PRLR: variants seen among roughly 807,000 people sequenced by gnomAD.
PRLR encodes the protein hPRL receptor.
Under a neutral mutation model 40.2 loss-of-function variants are expected in PRLR, and 13 were observed. The ratio of observed to expected loss-of-function variants is 0.32; its 90% CI spans 0.21 to 0.51. The LOEUF is 0.51. Among genes scored for constraint, PRLR ranks in the 20% least tolerant of loss-of-function variants. The probability of loss-of-function intolerance (pLI) is 0.97; values close to 1 mark genes in which losing one functional copy is unlikely to be tolerated. For missense variants in PRLR, 656 were observed against 747.3 expected (o/e 0.88, Z 1.42); for synonymous variants, 269 against 278.7 (o/e 0.97, Z 0.35).
At chr5:35,067,264 C>T (rs1769436696) in intron 9 of PRLR, among the ~76,000 whole-genome samples, 1 of 152,162 alleles carries the variant, frequency 6.6e-6, no homozygotes, top group South Asian at 2.1e-4. Context: ...AATACTAACA[C>T]ATATTTTTGA....
chr5:35,154,995 G>C (rs900226043), intron 1 of PRLR, among the ~76,000 whole-genome samples: 3 of 151,488 alleles, frequency 2.0e-5, no homozygotes, highest in Non-Finnish European at 4.4e-5. Context: ...CAGGGGAGGG[G>C]GTTCAGGGGA....
At chr5:35,211,667 A>C (rs1347292695) in intron 1 of PRLR, among the ~76,000 whole-genome samples, 3 of 152,204 alleles carry the variant, frequency 2.0e-5, no homozygotes, top group Non-Finnish European at 4.4e-5. Context: ...TGTTATTCAC[A>C]AGTACGCTAA....
intron 1 of PRLR, among the ~76,000 whole-genome samples, chr5:35,227,087 G>A (rs1776572721): frequency 6.6e-6 from 1 of 152,206 alleles, no homozygotes; most frequent in Non-Finnish European, 1.5e-5. Flanking sequence ...TGCTAATGTT[G>A]GATATTGCCA....
intron 1 of PRLR, among the ~76,000 whole-genome samples, chr5:35,135,101 T>TTTTTTTG (rs71600972): frequency 2.2e-4 from 33 of 149,892 alleles, no homozygotes; most frequent in African/African-American, 7.8e-4. Context: ...TTTTTTTTTT[T>TTTTTTTG]TCTTAGAGAG....
chr5:35,089,258 CTAGAAACTGGCAGGACCTGGAT>C (rs1329248853), intron 3 of PRLR, among the ~76,000 whole-genome samples: 1 of 152,190 alleles, frequency 6.6e-6, no homozygotes, highest in Non-Finnish European at 1.5e-5. Flanking sequence ...GGTCACACAG[CTAGAAACTGGCAGGACCTGGAT>C]TAGAACTCAG....
chr5:35,218,826 G>A (rs931915287), intron 1 of PRLR, among the ~76,000 whole-genome samples: 3 of 151,924 alleles, frequency 2.0e-5, no homozygotes, highest in South Asian at 2.1e-4. Context: ...GCCTCAGATG[G>A]CCGTGGGGAG....
At chr5:35,108,234 A>G (rs1345470836) in intron 2 of PRLR, among the ~76,000 whole-genome samples, 2 of 152,222 alleles carry the variant, frequency 1.3e-5, no homozygotes, top group Non-Finnish European at 2.9e-5. Context: ...CAAAAAAAGA[A>G]GAGCTATTTA....
Position 35,070,401 on chromosome 5 carries a change from T to G in PRLR, c.544-136A>C, listed in dbSNP as rs1416310548. 8.5e-6 allele frequency: 8 copies of G among 945,956 alleles called. No individual in the cohort carries two copies. The East Asian group carries it at 2.2e-4, about 25-fold the overall frequency. 58.6% of individuals were successfully genotyped at this position (945,956 alleles called of 1,614,324 possible). On this transcript the variant is annotated intron_variant, in intron 6 of 9. Transcript: ENST00000618457. ...TCCCTGCTGTCACTACTCCACTGTC[T>G]TAGCCCTATCTTTTCCTTCTCTTAA...
intron 1 of PRLR, among the ~76,000 whole-genome samples, chr5:35,180,427 C>T (rs1775262597): frequency 6.6e-6 from 1 of 152,122 alleles, no homozygotes; most frequent in Non-Finnish European, 1.5e-5. Context: ...CTCTCTCACT[C>T]CTGCTTTGGC....
At chr5:35,117,172 C>A (rs945772820) in intron 2 of PRLR, among the ~76,000 whole-genome samples, 1 of 152,064 alleles carries the variant, frequency 6.6e-6, no homozygotes, top group Non-Finnish European at 1.5e-5. Context: ...AAACCCTGGC[C>A]CAGAGGGCAA....
Position 35,058,624 on chromosome 5 carries a change from TTTTG to T in PRLR, c.*6461_*6464del, listed in dbSNP as rs1768859574. ...AGAAATACATTACATATTTTTTCAG[TTTTG>T]TTTTACAGTCATAGACACAATCATA... On this transcript the variant is annotated 3_prime_UTR_variant, in exon 10 of 10. Coordinates refer to ENST00000618457, the MANE Select transcript of PRLR (RefSeq NM_000949.7). 1 of 152,238 alleles carries T rather than the reference TTTTG, an allele frequency of 6.6e-6. No individual in the cohort carries two copies. The highest frequency in any genetic ancestry group is 6.5e-5 in the Admixed American group (1 of 15,286). 9.4% of individuals were successfully genotyped at this position (152,238 alleles called of 1,614,324 possible).
At chr5:35,179,178 G>GAAA (rs778492605) in intron 1 of PRLR, among the ~76,000 whole-genome samples, 12 of 152,124 alleles carry the variant, frequency 7.9e-5, no homozygotes, top group Non-Finnish European at 1.8e-4. Context: ...TTTTGAGAGA[G>GAAA]AAAAACACCA....
intron 9 of PRLR, among the ~76,000 whole-genome samples, 156 bp downstream of exon 9, chr5:35,068,060 C>T (rs566057494): frequency 6.6e-6 from 1 of 152,318 alleles, no homozygotes; most frequent in Admixed American, 6.5e-5. Context: ...ATCCTTCACA[C>T]AACTTTCTGT....
intron 8 of PRLR, chr5:35,049,524 G>A (rs1768405999): frequency 3.3e-6 from 2 of 606,738 alleles, no homozygotes; most frequent in Non-Finnish European, 5.8e-6. Flanking sequence ...AACATAATAT[G>A]TACTTCTGTT....
At chr5:35,107,347 G>C (rs939080423) in intron 2 of PRLR, among the ~76,000 whole-genome samples, 1 of 152,116 alleles carries the variant, frequency 6.6e-6, no homozygotes, top group Middle Eastern at 3.2e-3. Flanking sequence ...ACATTCAAAA[G>C]CTAGCAGAAG....
intron 1 of PRLR, among the ~76,000 whole-genome samples, chr5:35,200,408 C>A (rs1244971765): frequency 1.3e-5 from 2 of 152,232 alleles, no homozygotes; most frequent in Non-Finnish European, 2.9e-5. Flanking sequence ...ACTCTGAGGG[C>A]AGACTCAATC....
intron 1 of PRLR, among the ~76,000 whole-genome samples, chr5:35,196,674 C>G (rs1184192064): frequency 1.3e-5 from 2 of 152,214 alleles, no homozygotes; most frequent in Non-Finnish European, 2.9e-5. Flanking sequence ...TTGCCATGGG[C>G]AGGACACTCC....
intron 1 of PRLR, among the ~76,000 whole-genome samples, chr5:35,181,009 G>A (rs928135984): frequency 1.5e-4 from 23 of 152,160 alleles, no homozygotes; most frequent in African/African-American, 5.3e-4. Context: ...GAAAGCAGTT[G>A]TACATAGTAG....
chr5:35,167,649 T>C (rs1774880760), intron 1 of PRLR, among the ~76,000 whole-genome samples: 1 of 152,028 alleles, frequency 6.6e-6, no homozygotes, highest in South Asian at 2.1e-4. Flanking sequence ...TTTAATAATA[T>C]ATGTAGAATT....
Sources: allele counts gnomAD v4.1 joint callset (sites outside exome capture counted in the v4.1 genomes callset), GRCh38; gene constraint gnomAD v4.1.1; transcripts MANE v1.5; gene names NCBI Gene and HGNC (gene_info 2026-07-23, HGNC 2026-07-21).